CADM2: variants seen among roughly 807,000 people sequenced by gnomAD.
The protein encoded by CADM2 is cell adhesion molecule 2, also known as immunoglobulin superfamily member 4D.
CADM2 carries 12 observed loss-of-function variants against 49.8 expected under a neutral mutation model. The ratio of observed to expected loss-of-function variants is 0.24; its 90% CI spans 0.15 to 0.39. The LOEUF is 0.39. Among genes scored for constraint, CADM2 ranks in the 10% least tolerant of loss-of-function variants. The pLI, the probability that CADM2 is intolerant of heterozygous loss-of-function variation, is 1.00. For missense variants in CADM2, 378 were observed against 492.3 expected (o/e 0.77, Z 2.20); for synonymous variants, 214 against 175.4 (o/e 1.22, Z -1.74).
At chr3:85,410,094 C>A (rs1014250427) in intron 1 of CADM2, among the ~76,000 whole-genome samples, 1 of 152,124 alleles carries the variant, frequency 6.6e-6, no homozygotes, top group African/African-American at 2.4e-5. Flanking sequence ...GAAAGGAATA[C>A]AGGCTGCCAA....
intron 1 of CADM2, among the ~76,000 whole-genome samples, chr3:85,429,032 G>A (rs1469509025): frequency 2.0e-5 from 3 of 151,884 alleles, no homozygotes; most frequent in Non-Finnish European, 2.9e-5. Flanking sequence ...TAGTTTACTT[G>A]ACTCTGGTTT....
At chr3:85,279,263 T>C (rs2043439969) in intron 1 of CADM2, among the ~76,000 whole-genome samples, 1 of 151,556 alleles carries the variant, frequency 6.6e-6, no homozygotes, top group African/African-American at 2.4e-5. Flanking sequence ...TTGTTAACCT[T>C]TCCACAGAAC....
intron 1 of CADM2, among the ~76,000 whole-genome samples, chr3:85,467,294 T>C (rs1241040863): frequency 6.6e-6 from 1 of 152,172 alleles, no homozygotes; most frequent in Non-Finnish European, 1.5e-5. Flanking sequence ...AGAGTTTTGG[T>C]ATGTTGTATT....
At chr3:85,771,045 C>T (rs1161139521) in intron 2 of CADM2, among the ~76,000 whole-genome samples, 1 of 152,112 alleles carries the variant, frequency 6.6e-6, no homozygotes, top group Non-Finnish European at 1.5e-5. Flanking sequence ...GCTCTGGCAA[C>T]TCCTTTCTCA....
At chr3:85,510,313 A>G (rs201516086) in intron 1 of CADM2, among the ~76,000 whole-genome samples, 1 of 152,076 alleles carries the variant, frequency 6.6e-6, no homozygotes, top group East Asian at 1.9e-4. Flanking sequence ...ACAACACAAG[A>G]AAACTGCAAC....
intron 5 of CADM2, among the ~76,000 whole-genome samples, chr3:85,898,766 A>G (rs547170541): frequency 6.6e-6 from 1 of 151,182 alleles, no homozygotes; most frequent in African/African-American, 2.4e-5. Context: ...TAAAGCTACT[A>G]TGAACATTTG....
intron 1 of CADM2, among the ~76,000 whole-genome samples, chr3:85,227,435 T>C (rs1485961490): frequency 1.3e-5 from 2 of 151,376 alleles, no homozygotes; most frequent in African/African-American, 2.4e-5. Context: ...TATCAGAGAC[T>C]AGGATTGCAA....
rs186000844 is a variant in CADM2, at chr3:85,055,111, A to C, written c.61+95443A>C. ...ACTTCTGCCATGACCCCACAGGGCCATCATTCTATTCATTTTCATTCAATG... is the reference window on the plus strand; with the variant it reads ...ACTTCTGCCATGACCCCACAGGGCCCTCATTCTATTCATTTTCATTCAATG... On this transcript the variant is annotated intron_variant, in intron 1 of 9. Transcript: ENST00000383699. 2.0e-5 allele frequency among the ~76,000 whole-genome samples: 3 copies of C among 152,044 alleles called. No homozygotes were observed. In the East Asian group the frequency reaches 5.8e-4, roughly 29 times the overall value.
chr3:85,577,984 T>TTTCCTTCC (rs35676169), intron 1 of CADM2, among the ~76,000 whole-genome samples: 23,731 of 133,952 alleles, frequency 0.18, 2,392 homozygotes, highest in Middle Eastern at 0.24. Flanking sequence ...TATTAATCTC[T>TTTCCTTCC]TTCCTTCCTT....
At position 86,036,344 on chromosome 3, in the gene CADM2, G is replaced by A. The variant is rs188617420; in HGVS notation, c.971-29261G>A. Among the ~76,000 whole-genome samples the A allele has an allele frequency of 2.7e-3, 406 of 152,094 alleles. 1 individual carries two copies. The highest frequency in any genetic ancestry group is 9.6e-3 in the African/African-American group (397 of 41,506). ...CATTCAGTATTATTTAATAACTTTTGCAGGAACTTGTATTTTGTACCATTC... is the reference window on the plus strand; with the variant it reads ...CATTCAGTATTATTTAATAACTTTTACAGGAACTTGTATTTTGTACCATTC... On this transcript the variant is annotated intron_variant, in intron 8 of 9. Transcript: ENST00000383699.
chr3:85,973,718 T>C (rs1184455832), intron 8 of CADM2, among the ~76,000 whole-genome samples: 1 of 151,896 alleles, frequency 6.6e-6, no homozygotes, highest in African/African-American at 2.4e-5. Flanking sequence ...TTGTGTTTTC[T>C]ACTGAGGGAC....
chr3:85,210,152 C>T (rs1245185667), intron 1 of CADM2, among the ~76,000 whole-genome samples: 1 of 152,088 alleles, frequency 6.6e-6, no homozygotes, highest in African/African-American at 2.4e-5. Flanking sequence ...AGGTATGTTC[C>T]TACTAGTCCA....
intron 7 of CADM2, among the ~76,000 whole-genome samples, chr3:85,939,504 A>C (rs915957607): frequency 1.9e-5 from 1 of 51,288 alleles, no homozygotes; most frequent in South Asian, 7.3e-4. Context: ...CACACACACA[A>C]CATGAAACCT....
intron 1 of CADM2, among the ~76,000 whole-genome samples, chr3:85,006,285 C>G (rs1243773560): frequency 6.6e-6 from 1 of 152,080 alleles, no homozygotes; most frequent in Non-Finnish European, 1.5e-5. Flanking sequence ...GTGTACCCAG[C>G]AGGGAAATCA....
At chr3:85,693,222 C>A (rs575422988) in intron 1 of CADM2, among the ~76,000 whole-genome samples, 34 of 151,678 alleles carry the variant, frequency 2.2e-4, no homozygotes, top group African/African-American at 8.2e-4. Flanking sequence ...GCACTCCAGC[C>A]TGGCAACAGA....
rs1424551183 is a variant in CADM2 at position 86,069,215 on chromosome 3, A to G, written c.*2432A>G. On this transcript the variant is annotated 3_prime_UTR_variant, in exon 10 of 10. Coordinates refer to ENST00000383699, the MANE Select transcript of CADM2 (RefSeq NM_001167675.2). ...TGCCTAAATAACTCAATCATTATTT[A>G]TAGCACTGTAAAATTAGAAATCCAA... is the stretch of plus-strand genomic sequence containing the variant. 3.3e-5 allele frequency: 5 copies of G among 152,024 alleles called. No homozygotes were observed. The highest frequency in any genetic ancestry group is 2.6e-4 in the Admixed American group (4 of 15,256). The allele number at this position is 152,024 out of a possible 1,614,324, so 9.4% of individuals were successfully genotyped here. A position where few individuals can be genotyped will look rare whatever the true frequency, so the allele number is the denominator to read the frequency against.
At chr3:84,999,794 A>C (rs1367972095) in intron 1 of CADM2, among the ~76,000 whole-genome samples, 3 of 152,112 alleles carry the variant, frequency 2.0e-5, no homozygotes, top group Non-Finnish European at 4.4e-5. Flanking sequence ...GCAAATACAG[A>C]ATCTGGGAAT....
chr3:86,014,713 A>G (rs530761811), intron 8 of CADM2: 2 of 1,520,510 alleles, frequency 1.3e-6, no homozygotes, highest in East Asian at 2.3e-5. Context: ...CACCATGCTG[A>G]CATGTGTAGA....
At chr3:85,373,953 G>T (rs2033433237) in intron 1 of CADM2, among the ~76,000 whole-genome samples, 1 of 152,126 alleles carries the variant, frequency 6.6e-6, no homozygotes, top group South Asian at 2.1e-4. Flanking sequence ...GGGATGGGAG[G>T]GGCTGCTGTG....
Sources: allele counts gnomAD v4.1 joint callset (sites outside exome capture counted in the v4.1 genomes callset), GRCh38; gene constraint gnomAD v4.1.1; transcripts MANE v1.5; gene names NCBI Gene and HGNC (gene_info 2026-07-23, HGNC 2026-07-21).